Variants in PHKA2 observed in about 807,000 individuals in gnomAD.
PHKA2 encodes phosphorylase kinase regulatory subunit alpha 2, also known as phosphorylase b kinase regulatory subunit alpha, liver isoform.
In PHKA2, 31 loss-of-function variants were observed where a neutral mutation model predicts 102.0. The observed-to-expected ratio is 0.30, with a 90% CI of 0.23 to 0.41. The LOEUF (loss-of-function observed/expected upper bound fraction) is 0.41, where lower values mean the gene tolerates loss of function less well. Ranked by LOEUF, PHKA2 falls within the 10% of genes least tolerant of loss-of-function variation. The probability of loss-of-function intolerance (pLI) is 1.00; values close to 1 mark genes in which losing one functional copy is unlikely to be tolerated. For missense variants in PHKA2, 858 were observed against 1,023.1 expected, an observed-to-expected ratio of 0.84 and a Z score of 2.20; for synonymous variants, 455 against 416.2, an observed-to-expected ratio of 1.09 and a Z score of -1.13.
At chrX:18,901,302 C>T (rs759533610) in intron 27 of PHKA2, among the ~76,000 whole-genome samples, 183 bp downstream of exon 27, 7 of 110,752 alleles carry the variant, frequency 6.3e-5, no homozygotes, top group Non-Finnish European at 1.1e-4. Context: ...GGTAAGGGTG[C>T]GCATGACCGG....
intron 10 of PHKA2, 70 bp from the exon 11 acceptor site, chrX:18,936,220 A>G: frequency 1.4e-6 from 1 of 720,238 alleles, no homozygotes; most frequent in Non-Finnish European, 2.2e-6. Context: ...GCGGTGCAAC[A>G]TAGAAAAAAA....
intron 4 of PHKA2, 132 bp from the exon 5 acceptor site, chrX:18,948,958 AAGTC>A (rs1482959847): frequency 2.1e-6 from 1 of 477,587 alleles, no homozygotes; most frequent in African/African-American, 2.4e-5. Context: ...ATCAAAAATG[AAGTC>A]TTAAGTAAGG....
chrX:18,895,492 G>C (rs893648380), intron 30 of PHKA2: 1 of 320,972 alleles, frequency 3.1e-6, no homozygotes, highest in East Asian at 5.5e-5. Flanking sequence ...AACTGGGCCC[G>C]GGCGGCTGCG....
intron 4 of PHKA2, among the ~76,000 whole-genome samples, chrX:18,950,257 A>G (rs1412797430): frequency 1.8e-5 from 2 of 111,862 alleles, no homozygotes; most frequent in Admixed American, 9.4e-5. Flanking sequence ...GTGCTCAAAT[A>G]TAATTTGGAA....
intron 2 of PHKA2, among the ~76,000 whole-genome samples, chrX:18,953,683 T>C (rs772189808): frequency 3.9e-4 from 44 of 111,580 alleles, no homozygotes; most frequent in Non-Finnish European, 7.3e-4. Flanking sequence ...AATTGACACT[T>C]TGGGGTTAGA....
chrX:18,920,301 C>A, intron 17 of PHKA2, 100 bp from the exon 18 acceptor site: 1 of 550,422 alleles, frequency 1.8e-6, no homozygotes, highest in Admixed American at 2.3e-5. Flanking sequence ...GTGCTTCTGC[C>A]AGAATCAATA....
intron 7 of PHKA2, 44 bp from the exon 8 acceptor site, chrX:18,941,719 A>T: frequency 1.2e-5 from 12 of 963,299 alleles, no homozygotes; most frequent in Non-Finnish European, 1.6e-5. Flanking sequence ...AGATGCGCTA[A>T]TAGGCGCAGT....
In PHKA2 at chrX:18,894,249, C is replaced by T. The variant is rs754254758; in HGVS notation, c.3492G>A (p.Val1164=). ...GACTGGCCATCTGCACGATCTGGTCCACGTGGATGATGCCCCCGATGCTGG... is the reference window on the plus strand; with the variant it reads ...GACTGGCCATCTGCACGATCTGGTCTACGTGGATGATGCCCCCGATGCTGG... ...EMTSIGGIIH[V]DQIVQMASQL... The change falls in exon 32 of 33, where the codon GTG becomes GTA. Residue 1164 remains valine (V), a synonymous_variant. Transcript: ENST00000379942. 1.8e-5 allele frequency: 22 copies of T among 1,210,477 alleles called. No individual in the cohort carries two copies. The highest frequency in any genetic ancestry group is 2.3e-4 in the Middle Eastern group (1 of 4,371).
chrX:18,940,087 T>G, intron 8 of PHKA2, 39 bp from the exon 9 acceptor site: 3 of 1,013,514 alleles, frequency 3.0e-6, no homozygotes, highest in Non-Finnish European at 4.2e-6. Flanking sequence ...TCAGAGAAAT[T>G]TTTTTGCCTT....
intron 26 of PHKA2, among the ~76,000 whole-genome samples, chrX:18,902,487 C>T (rs748939263): frequency 3.9e-4 from 42 of 108,854 alleles, no homozygotes; most frequent in South Asian, 1.7e-3. Context: ...CCCGGCCAGG[C>T]GCGGTGGCTC....
rs2047523128 is a variant in PHKA2, at chrX:18,895,333, TA to T, written c.3283-143del. 7.2e-6 allele frequency: 4 copies of T among 559,211 alleles called. No individual in the cohort carries two copies. In the Admixed American group the frequency reaches 9.8e-5, roughly 14 times the overall value. 46.1% of individuals were successfully genotyped at this position (559,211 alleles called of 1,213,427 possible). On this transcript the variant is annotated intron_variant, in intron 30 of 32. Transcript: ENST00000379942. ...CTGGGACACGCCAGACTGTCAGAGT[TA>T]TTTTTAGAGAGCTTGTTCTCACTGC...
chrX:18,935,777 A>ATTTTTT (rs774502316), intron 11 of PHKA2, among the ~76,000 whole-genome samples: 2 of 77,239 alleles, frequency 2.6e-5, no homozygotes, highest in Non-Finnish European at 5.2e-5. Context: ...TAATTTTTGT[A>ATTTTTT]TTTTTTTTTT....
chrX:18,894,469 C>T (rs1313311272), intron 31 of PHKA2, 65 bp from the exon 32 acceptor site: 8 of 984,970 alleles, frequency 8.1e-6, no homozygotes, highest in East Asian at 6.1e-5. Context: ...AATCAATCAC[C>T]GAGTAACCAA....
chrX:18,970,696 T>C lies in PHKA2; in HGVS notation c.78+13159A>G, dbSNP rs1226477755. Reference sequence around the variant, plus strand: ...GGCCTCCTGGGTCATAGAGCATGCATTGCTTCAGTTTCACCATCTCAAATT... The same window carrying C: ...GGCCTCCTGGGTCATAGAGCATGCACTGCTTCAGTTTCACCATCTCAAATT... On this transcript the variant is annotated intron_variant, in intron 1 of 32. Coordinates refer to ENST00000379942, the MANE Select transcript of PHKA2 (RefSeq NM_000292.3). Among the ~76,000 whole-genome samples the C allele has an allele frequency of 3.6e-5, 4 of 112,193 alleles. No individual in the cohort carries two copies. The South Asian group carries it at 1.5e-3, about 41-fold the overall frequency.
intron 26 of PHKA2, 21 bp from the exon 27 acceptor site, chrX:18,901,624 C>T (rs771178452): frequency 8.5e-6 from 9 of 1,056,879 alleles, no homozygotes; most frequent in African/African-American, 3.8e-5. Flanking sequence ...AACACACACA[C>T]GTGGTTCTCA....
chrX:18,909,595 AC>A (rs1415527378), intron 20 of PHKA2, among the ~76,000 whole-genome samples: 2 of 112,100 alleles, frequency 1.8e-5, no homozygotes, highest in Non-Finnish European at 3.8e-5. Flanking sequence ...CTAGTTTTAC[AC>A]ACCCTGTGTA....
chrX:18,905,484 G>A (rs2047792353), intron 26 of PHKA2, among the ~76,000 whole-genome samples: 1 of 110,938 alleles, frequency 9.0e-6, no homozygotes, highest in African/African-American at 3.3e-5. Flanking sequence ...CAACACTTTT[G>A]CGTAAGTGAT....
In PHKA2 at chrX:18,945,065, G is replaced by A; in HGVS notation, c.618+13C>T. On this transcript the variant is annotated intron_variant, in intron 6 of 32. Coordinates refer to ENST00000379942, the MANE Select transcript of PHKA2 (RefSeq NM_000292.3). ...AAACATGCAGAAGGAAGAACAAACA[G>A]GACAACTGTCACCTTGGCCATTCCT... is the stretch of plus-strand genomic sequence containing the variant. 8.8e-7 allele frequency: 1 copy of A among 1,131,953 alleles called. No individual in the cohort carries two copies. Among genetic ancestry groups the A allele is most frequent in the Non-Finnish European group, 1.2e-6 (1 of 822,583 alleles). The allele number at this position is 1,131,953 out of a possible 1,213,427, so 93.3% of individuals were successfully genotyped here.
chrX:18,967,398 C>T (rs2148022972), intron 1 of PHKA2, among the ~76,000 whole-genome samples: 1 of 110,757 alleles, frequency 9.0e-6, no homozygotes, highest in African/African-American at 3.3e-5. Flanking sequence ...GTAGTGTAGT[C>T]TGGTGCCTGA....
Sources: allele counts gnomAD v4.1 joint callset (sites outside exome capture counted in the v4.1 genomes callset), GRCh38; gene constraint gnomAD v4.1.1; transcripts MANE v1.5; gene names NCBI Gene and HGNC (gene_info 2026-07-23, HGNC 2026-07-21).